The following ERP44 variants were observed in gnomAD, a reference collection of about 807,000 sequenced individuals.
The protein encoded by ERP44 is endoplasmic reticulum resident protein 44.
In ERP44, 25 loss-of-function variants were observed where a neutral mutation model predicts 53.4. The observed-to-expected ratio is 0.47, with a 90% CI of 0.34 to 0.65. The LOEUF (loss-of-function observed/expected upper bound fraction) is 0.65. Ranked by LOEUF, ERP44 falls within the 30% of genes least tolerant of loss-of-function variation. The pLI is 0.01. For synonymous variants in ERP44, 145 were observed against 161.2 expected, an observed-to-expected ratio of 0.90 and a Z score of 0.76; for missense variants, 338 against 493.2, an observed-to-expected ratio of 0.69 and a Z score of 2.98.
intron 4 of ERP44, among the ~76,000 whole-genome samples, chr9:100,027,086 T>C (rs924092849): frequency 6.6e-6 from 1 of 152,206 alleles, no homozygotes; most frequent in Non-Finnish European, 1.5e-5. Context: ...ACTAAGCTGA[T>C]GGAGTTTGAA....
chr9:100,088,678 C>A (rs1473729979), intron 1 of ERP44, among the ~76,000 whole-genome samples: 1 of 152,192 alleles, frequency 6.6e-6, no homozygotes, highest in Non-Finnish European at 1.5e-5. Flanking sequence ...AATAACACCA[C>A]CACTTAGGAG....
chr9:100,070,224 A>G (rs1404079932), intron 1 of ERP44, among the ~76,000 whole-genome samples: 2 of 152,336 alleles, frequency 1.3e-5, no homozygotes, highest in Non-Finnish European at 2.9e-5. Flanking sequence ...ATCTACATAC[A>G]TGTTGGTACA....
At chr9:99,991,070 G>A (rs971962228) in intron 10 of ERP44, among the ~76,000 whole-genome samples, 35 of 152,156 alleles carry the variant, frequency 2.3e-4, no homozygotes, top group African/African-American at 8.5e-4. Flanking sequence ...AATAATGGGA[G>A]GCTTTAACAC....
chr9:100,068,898 G>C (rs896030542), intron 1 of ERP44, among the ~76,000 whole-genome samples: 1 of 152,240 alleles, frequency 6.6e-6, no homozygotes. Context: ...TGCCGTGTCT[G>C]TGTAGAAAGA....
At chr9:100,077,129 T>C (rs559922988) in intron 1 of ERP44, among the ~76,000 whole-genome samples, 1 of 152,216 alleles carries the variant, frequency 6.6e-6, no homozygotes, top group African/African-American at 2.4e-5. Flanking sequence ...CTCACTGGAA[T>C]AGACACTTAC....
In ERP44 at chr9:100,042,673, A is replaced by G. The variant is rs960151134; in HGVS notation, c.286+9744T>C. On this transcript the variant is annotated intron_variant, in intron 4 of 11. Transcript: ENST00000262455. Reference sequence around the variant, plus strand: ...GGAAGCAACCTAAGTGTCCATTGACAAACAAATGGATAGAGAAAATGTGGT... The same window carrying G: ...GGAAGCAACCTAAGTGTCCATTGACGAACAAATGGATAGAGAAAATGTGGT... Among the ~76,000 whole-genome samples, 8 of 152,220 alleles carry G rather than the reference A, an allele frequency of 5.3e-5. No individual in the cohort carries two copies. In the East Asian group the frequency reaches 1.3e-3, roughly 26 times the overall value.
At chr9:99,987,393 GAACACCTA>G (rs1354994492) in intron 10 of ERP44, among the ~76,000 whole-genome samples, 1 of 152,112 alleles carries the variant, frequency 6.6e-6, no homozygotes, top group Non-Finnish European at 1.5e-5. Context: ...GTTCTAATTA[GAACACCTA>G]AGTGTTTCCC....
chr9:100,050,070 C>G (rs546071606), intron 4 of ERP44, among the ~76,000 whole-genome samples: 2 of 149,800 alleles, frequency 1.3e-5, no homozygotes, highest in African/African-American at 4.9e-5. Context: ...AAAAAAACCT[C>G]ATACTGTATG....
intron 8 of ERP44, 138 bp from the exon 9 acceptor site, chr9:100,007,827 G>A: frequency 1.6e-6 from 1 of 644,108 alleles, no homozygotes; most frequent in Non-Finnish European, 2.8e-6. Flanking sequence ...AGGCCCAGTG[G>A]TGTGAATAAA....
rs764618992 is a variant in ERP44 at position 99,982,687 on chromosome 9, T to C, written c.1146A>G (p.Pro382=). 6.2e-7 allele frequency: 1 copy of C among 1,609,756 alleles called. No individual in the cohort carries two copies. The highest frequency in any genetic ancestry group is 1.7e-5 in the Admixed American group (1 of 58,880). ...GEQAQDVASS[P]PESSFQKLAP... is the part of the protein sequence containing the mutation. ...CTAGTTTCTGGAAGGAGCTCTCAGG[T>C]GGACTGCTTGCTACATCTTGGGCTT... Residue 382 remains proline (P), a synonymous_variant, in exon 12 of 12, where the codon CCA becomes CCG. Transcript: ENST00000262455.
intron 4 of ERP44, among the ~76,000 whole-genome samples, chr9:100,027,606 CAGA>C (rs1830666504): frequency 6.6e-6 from 1 of 152,066 alleles, no homozygotes; most frequent in Admixed American, 6.6e-5. Context: ...TTATAAATCC[CAGA>C]AGGTTAACAG....
intron 1 of ERP44, among the ~76,000 whole-genome samples, chr9:100,071,401 T>G (rs1284817835): frequency 6.6e-6 from 1 of 152,238 alleles, no homozygotes; most frequent in Non-Finnish European, 1.5e-5. Context: ...TGACTGTTTT[T>G]GGGTGAGTAA....
chr9:100,052,053 G>A (rs773590036), intron 4 of ERP44, among the ~76,000 whole-genome samples: 1 of 152,044 alleles, frequency 6.6e-6, no homozygotes, highest in Non-Finnish European at 1.5e-5. Context: ...AAAACTAACA[G>A]AAATCCATTT....
rs1464271717 is a variant in ERP44, at chr9:99,980,269, A to G, written c.*2343T>C. 1 of 389,518 alleles carries G rather than the reference A, an allele frequency of 2.6e-6. No individual in the cohort carries two copies. Among genetic ancestry groups the G allele is most frequent in the Non-Finnish European group, 4.5e-6 (1 of 220,578 alleles). The allele number at this position is 389,518 out of a possible 1,614,324, so 24.1% of individuals were successfully genotyped here. A position where few individuals can be genotyped will look rare whatever the true frequency, so the allele number is the denominator to read the frequency against. The stretch of plus-strand genomic sequence containing the variant: ...CTGTGAACAACTCTAGGGCAGAAAT[A>G]ATGCTTTATTCAGCTTTACATCTTT... On this transcript the variant is annotated 3_prime_UTR_variant, in exon 12 of 12. Transcript: ENST00000262455.
intron 10 of ERP44, 130 bp from the exon 11 acceptor site, chr9:99,985,199 GT>G: frequency 1.6e-6 from 1 of 611,994 alleles, no homozygotes; most frequent in Non-Finnish European, 2.9e-6. Flanking sequence ...TGCAGGCCAG[GT>G]ATGTGTGAAA....
chr9:100,075,048 G>T (rs1311878787), intron 1 of ERP44, among the ~76,000 whole-genome samples: 1 of 152,144 alleles, frequency 6.6e-6, no homozygotes, highest in Non-Finnish European at 1.5e-5. Context: ...CTAGAAAAAT[G>T]GTAAGTCAAA....
chr9:100,079,588 T>C (rs1011835465), intron 1 of ERP44, among the ~76,000 whole-genome samples: 2 of 152,036 alleles, frequency 1.3e-5, no homozygotes, highest in Non-Finnish European at 2.9e-5. Context: ...ATGAAAGCCA[T>C]AAAAATATAT....
chr9:100,019,797 A>T (rs1564091176), intron 6 of ERP44, among the ~76,000 whole-genome samples: 1 of 152,200 alleles, frequency 6.6e-6, no homozygotes. Context: ...ATTGAAAAGG[A>T]GTAAGATGTT....
At chr9:100,090,382 G>A (rs1274052918) in intron 1 of ERP44, among the ~76,000 whole-genome samples, 1 of 152,182 alleles carries the variant, frequency 6.6e-6, no homozygotes, top group Non-Finnish European at 1.5e-5. Context: ...TATAAGCAAA[G>A]AGATAGACTT....
Sources: gnomAD v4.1 joint callset for allele counts (sites outside exome capture counted in the v4.1 genomes callset) on GRCh38, gnomAD v4.1.1 for gene constraint, MANE v1.5 for transcripts, NCBI Gene and HGNC (gene_info 2026-07-23, HGNC 2026-07-21) for gene names.